ZNF385B: variants seen among roughly 807,000 people sequenced by gnomAD.
ZNF385B encodes the protein zinc finger protein 533.
Under a neutral mutation model 39.2 loss-of-function variants are expected in ZNF385B, and 23 were observed. The ratio of observed to expected loss-of-function variants is 0.59; its 90% CI spans 0.42 to 0.83. The LOEUF (loss-of-function observed/expected upper bound fraction) is 0.83. Ranked by LOEUF, ZNF385B falls within the 40% of genes least tolerant of loss-of-function variation. The pLI is 0.00. For synonymous variants in ZNF385B, 205 were observed against 222.6 expected (o/e 0.92, Z 0.70); for missense variants, 552 against 598.9 (o/e 0.92, Z 0.82).
intron 4 of ZNF385B, among the ~76,000 whole-genome samples, chr2:179,541,639 G>A (rs1476479214): frequency 1.3e-5 from 2 of 152,194 alleles, no homozygotes; most frequent in South Asian, 4.2e-4. Context: ...AGAACAAGTG[G>A]ACAATTGAGT....
intron 6 of ZNF385B, among the ~76,000 whole-genome samples, chr2:179,449,767 G>A (rs2049891213): frequency 2.0e-5 from 3 of 151,678 alleles, no homozygotes; most frequent in African/African-American, 7.3e-5. Flanking sequence ...AGTTCACATG[G>A]AACCAAAAAA....
chr2:179,637,992 G>T lies in ZNF385B; in HGVS notation c.299-93023C>A, dbSNP rs528847043. 3.3e-5 allele frequency among the ~76,000 whole-genome samples: 5 copies of T among 152,264 alleles called. No individual in the cohort carries two copies. The East Asian group carries it at 9.6e-4, about 29-fold the overall frequency. ...CGTATAGCTGGCAATGTAACATTTA[G>T]ATTTCTTATCACTTAAAAGCAGCAT... On this transcript the variant is annotated intron_variant, in intron 3 of 9. Coordinates refer to ENST00000410066, the MANE Select transcript of ZNF385B (RefSeq NM_152520.6).
At chr2:179,613,044 G>T (rs968527069) in intron 3 of ZNF385B, among the ~76,000 whole-genome samples, 2 of 152,194 alleles carry the variant, frequency 1.3e-5, no homozygotes, top group African/African-American at 2.4e-5. Context: ...AGTATCGGCT[G>T]GCTACTGCCA....
At chr2:179,619,041 TA>T (rs1467083346) in intron 3 of ZNF385B, among the ~76,000 whole-genome samples, 1 of 152,018 alleles carries the variant, frequency 6.6e-6, no homozygotes, top group East Asian at 1.9e-4. Context: ...AAACATGATT[TA>T]AAAAAAAGAA....
chr2:179,606,676 T>C (rs182507976), intron 3 of ZNF385B, among the ~76,000 whole-genome samples: 1 of 152,254 alleles, frequency 6.6e-6, no homozygotes, highest in East Asian at 1.9e-4. Context: ...AAATATATTA[T>C]TTCATAAAAA....
chr2:179,488,856 G>A (rs1384974385), intron 5 of ZNF385B, among the ~76,000 whole-genome samples: 1 of 152,052 alleles, frequency 6.6e-6, no homozygotes, highest in Non-Finnish European at 1.5e-5. Flanking sequence ...CTAACAAAGG[G>A]GAAACCTGAT....
intron 6 of ZNF385B, among the ~76,000 whole-genome samples, chr2:179,473,670 C>A (rs750462227): frequency 9.2e-5 from 14 of 152,172 alleles, no homozygotes; most frequent in Non-Finnish European, 1.8e-4. Flanking sequence ...TCATCCCCCC[C>A]CATTGCCCCT....
At chr2:179,474,554 A>T (rs2053203036) in intron 6 of ZNF385B, among the ~76,000 whole-genome samples, 1 of 152,232 alleles carries the variant, frequency 6.6e-6, no homozygotes, top group Non-Finnish European at 1.5e-5. Flanking sequence ...ATACTATTAT[A>T]ATCATTAAAT....
At chr2:179,745,679 C>T (rs977519884) in intron 3 of ZNF385B, 21 of 1,522,598 alleles carry the variant, frequency 1.4e-5, no homozygotes, top group Non-Finnish European at 1.9e-5. Context: ...CATCCCAGAC[C>T]CCAGCATCCA....
At chr2:179,834,763 T>C (rs891713559) in intron 1 of ZNF385B, among the ~76,000 whole-genome samples, 6 of 152,290 alleles carry the variant, frequency 3.9e-5, no homozygotes, top group South Asian at 2.1e-4. Context: ...AATGGGGAAA[T>C]CTGGCAAATA....
At chr2:179,745,900 T>C in intron 3 of ZNF385B, 3 of 1,255,076 alleles carry the variant, frequency 2.4e-6, no homozygotes, top group Non-Finnish European at 3.0e-6. Flanking sequence ...CCTTCCCAGT[T>C]GCTGGCTTAT....
intron 3 of ZNF385B, among the ~76,000 whole-genome samples, chr2:179,716,146 A>G (rs1374491102): frequency 6.6e-6 from 1 of 151,882 alleles, no homozygotes; most frequent in Admixed American, 6.6e-5. Flanking sequence ...ATCAGTCACT[A>G]TTTTTTTTAT....
At chr2:179,632,064 A>T (rs13391446) in intron 3 of ZNF385B, among the ~76,000 whole-genome samples, 17,241 of 151,616 alleles carry the variant, frequency 0.11, 1,466 homozygotes, top group African/African-American at 0.23. Flanking sequence ...ATCCTTAGAG[A>T]CCTACAAAGA....
chr2:179,628,941 T>C (rs975547966), intron 3 of ZNF385B, among the ~76,000 whole-genome samples: 3 of 152,224 alleles, frequency 2.0e-5, no homozygotes, highest in East Asian at 3.8e-4. Flanking sequence ...AAGCTTATTT[T>C]CTTTTTTAAA....
At chr2:179,659,774 ACT>A (rs1250444154) in intron 3 of ZNF385B, among the ~76,000 whole-genome samples, 1 of 152,062 alleles carries the variant, frequency 6.6e-6, no homozygotes, top group East Asian at 1.9e-4. Context: ...GATCATGAAG[ACT>A]CTATTGTCTT....
At chr2:179,836,814 G>A (rs1023864203) in intron 1 of ZNF385B, among the ~76,000 whole-genome samples, 3 of 152,120 alleles carry the variant, frequency 2.0e-5, no homozygotes, top group Non-Finnish European at 2.9e-5. Context: ...CACCGCGCAC[G>A]GCCTTGTGTT....
chr2:179,814,610 T>C (rs1393601933), intron 1 of ZNF385B: 2 of 599,750 alleles, frequency 3.3e-6, no homozygotes, highest in South Asian at 1.5e-5. Context: ...CCGTGGACTG[T>C]AGGGCCCTCA....
chr2:179,541,028 T>C (rs760028567), intron 4 of ZNF385B, among the ~76,000 whole-genome samples: 4 of 152,160 alleles, frequency 2.6e-5, no homozygotes, highest in Non-Finnish European at 4.4e-5. Context: ...ACACAGGCTT[T>C]TACCTATAAA....
At chr2:179,690,568 G>A (rs1029127923) in intron 3 of ZNF385B, among the ~76,000 whole-genome samples, 1 of 152,256 alleles carries the variant, frequency 6.6e-6, no homozygotes, top group Non-Finnish European at 1.5e-5. Flanking sequence ...GTGTTCAATT[G>A]CTGATTTTTT....
Sources: gnomAD v4.1 joint callset for allele counts (sites outside exome capture counted in the v4.1 genomes callset) on GRCh38, gnomAD v4.1.1 for gene constraint, MANE v1.5 for transcripts, NCBI Gene and HGNC (gene_info 2026-07-23, HGNC 2026-07-21) for gene names.